The following BNC2 variants were observed in gnomAD, a reference collection of about 807,000 sequenced individuals.
BNC2 encodes zinc finger protein basonuclin-2.
A neutral mutation model predicts 76.3 loss-of-function variants in BNC2; 20 were observed. That is an observed-to-expected ratio of 0.26 (90% confidence interval 0.18 to 0.38). The LOEUF is 0.38. BNC2 is among the 10% of genes least tolerant of loss of function. BNC2 has a pLI of 1.00. For synonymous variants in BNC2, 582 were observed against 514.8 expected (o/e 1.13, Z -1.77); for missense variants, 1,382 against 1,399.8 (o/e 0.99, Z 0.20).
chr9:16,746,147 A>G lies in BNC2; in HGVS notation c.4-7662T>C, dbSNP rs567042961. ...CATTTTTCACGAATTGGTTCTCCTA[A>G]CTATGTTTACACCGGAGCTCAAAGC... is the stretch of plus-strand genomic sequence containing the variant. On this transcript the variant is annotated intron_variant, in intron 1 of 6. Coordinates refer to ENST00000380672, the MANE Select transcript of BNC2 (RefSeq NM_017637.6). Among the ~76,000 whole-genome samples the G allele has an allele frequency of 3.2e-4, 48 of 152,224 alleles. No individual in the cohort carries two copies. The South Asian group carries it at 9.7e-3, about 31-fold the overall frequency.
At chr9:16,490,673 C>T (rs943751) in intron 5 of BNC2, among the ~76,000 whole-genome samples, 11,574 of 152,142 alleles carry the variant, frequency 0.076, 963 homozygotes, top group African/African-American at 0.21. Flanking sequence ...CTTATGTTTC[C>T]TCAATCAGGT....
At chr9:16,643,966 G>A (rs1317086356) in intron 3 of BNC2, among the ~76,000 whole-genome samples, 1 of 152,102 alleles carries the variant, frequency 6.6e-6, no homozygotes, top group East Asian at 1.9e-4. Context: ...TGGGAGGTGT[G>A]GAATGGGGTA....
At chr9:16,493,291 C>A (rs1469444437) in intron 5 of BNC2, among the ~76,000 whole-genome samples, 2 of 152,178 alleles carry the variant, frequency 1.3e-5, no homozygotes, top group Non-Finnish European at 2.9e-5. Context: ...TTACATCTAC[C>A]TTATCTGACC....
chr9:16,582,586 G>A lies in BNC2; in HGVS notation c.433+397C>T, dbSNP rs192616286. 2.0e-5 allele frequency among the ~76,000 whole-genome samples: 3 copies of A among 152,180 alleles called. No individual in the cohort carries two copies. The East Asian group carries it at 5.8e-4, about 29-fold the overall frequency. On this transcript the variant is annotated intron_variant, in intron 4 of 6. Transcript: ENST00000380672. ...AGCCCCGAGCACATACGACAAGGGT[G>A]AGCAGTCATCGAGGAGTTCTCAAGC...
At chr9:16,852,775 T>C (rs1360997761) in intron 1 of BNC2, among the ~76,000 whole-genome samples, 2 of 151,240 alleles carry the variant, frequency 1.3e-5, no homozygotes, top group Non-Finnish European at 2.9e-5. Context: ...TCTAGTGAAA[T>C]GAGGGAGGAA....
At chr9:16,728,130 T>A in intron 2 of BNC2, 133 bp from the exon 3 acceptor site, 1 of 778,576 alleles carries the variant, frequency 1.3e-6, no homozygotes, top group Non-Finnish European at 2.3e-6. Context: ...GGTCAGAGCT[T>A]CTTTCGCACC....
At chr9:16,728,173 G>C (rs777271043) in intron 2 of BNC2, 176 bp from the exon 3 acceptor site, 7 of 702,656 alleles carry the variant, frequency 1.0e-5, no homozygotes, top group Non-Finnish European at 1.8e-5. Context: ...TTTATGCATA[G>C]ATTGTGACTC....
At chr9:16,503,176 G>C (rs1822556660) in intron 5 of BNC2, among the ~76,000 whole-genome samples, 1 of 152,038 alleles carries the variant, frequency 6.6e-6, no homozygotes, top group African/African-American at 2.4e-5. Flanking sequence ...AATATATATG[G>C]TTTACCACCC....
Position 16,796,674 on chromosome 9 carries a change from A to G in BNC2, c.4-58189T>C, listed in dbSNP as rs183254052. ...GAGAAAAAAAAAGAAAGAAAAGAAG[A>G]GAAAAGAAAGAAAGAAAGAAATCCT... On this transcript the variant is annotated intron_variant, in intron 1 of 6. Transcript: ENST00000380672. 2.2e-3 allele frequency among the ~76,000 whole-genome samples: 329 copies of G among 152,186 alleles called. 2 individuals are homozygous for G. Among genetic ancestry groups the G allele is most frequent in the Admixed American group, 3.5e-3 (53 of 15,274 alleles).
chr9:16,811,469 T>G (rs1161379432), intron 1 of BNC2, among the ~76,000 whole-genome samples: 1 of 143,774 alleles, frequency 7.0e-6, no homozygotes, highest in Non-Finnish European at 1.5e-5. Context: ...GGAGAATCAC[T>G]TGAACCAGGG....
rs1820672651 is a variant in BNC2, at chr9:16,419,737, T to C, written c.2640-88A>G. On this transcript the variant is annotated intron_variant, in intron 6 of 6. Coordinates refer to ENST00000380672, the MANE Select transcript of BNC2 (RefSeq NM_017637.6). ...AAAGCATTTTAAAATTGATTCAGCT[T>C]TCACTAGGTATCAAATAAGCACATT... 4 of 849,424 alleles carry C rather than the reference T, an allele frequency of 4.7e-6. No homozygotes were observed. The South Asian group carries it at 5.4e-5, about 12-fold the overall frequency. 52.6% of individuals were successfully genotyped at this position (849,424 alleles called of 1,614,324 possible). A position where few individuals can be genotyped will look rare whatever the true frequency, so the allele number is the denominator to read the frequency against.
intron 5 of BNC2, among the ~76,000 whole-genome samples, chr9:16,440,385 T>C (rs1821102124): frequency 6.6e-6 from 1 of 152,186 alleles, no homozygotes; most frequent in Non-Finnish European, 1.5e-5. Flanking sequence ...TAATGTCCTC[T>C]TCTATACCAT....
chr9:16,593,539 T>A (rs1242704912), intron 3 of BNC2, among the ~76,000 whole-genome samples: 1 of 152,100 alleles, frequency 6.6e-6, no homozygotes, highest in Non-Finnish European at 1.5e-5. Context: ...TGCGTGTGTG[T>A]GTGTGTGTTT....
At chr9:16,776,194 CA>C (rs1199960592) in intron 1 of BNC2, among the ~76,000 whole-genome samples, 1 of 134,694 alleles carries the variant, frequency 7.4e-6, no homozygotes, top group Non-Finnish European at 1.5e-5. Context: ...GGCTGGAGTG[CA>C]ATGGAACCAT....
At chr9:16,827,080 C>G (rs1462868451) in intron 1 of BNC2, among the ~76,000 whole-genome samples, 1 of 152,098 alleles carries the variant, frequency 6.6e-6, no homozygotes, top group Non-Finnish European at 1.5e-5. Context: ...AGATAGCTAC[C>G]ACAGCACTGA....
intron 3 of BNC2, among the ~76,000 whole-genome samples, chr9:16,708,704 GAGA>G (rs1370217287): frequency 2.0e-5 from 3 of 152,114 alleles, no homozygotes; most frequent in African/African-American, 4.8e-5. Flanking sequence ...GAAAAAAGCA[GAGA>G]AGGAGTCAGT....
intron 1 of BNC2, among the ~76,000 whole-genome samples, chr9:16,856,599 G>A (rs1044710949): frequency 6.6e-6 from 1 of 152,110 alleles, no homozygotes; most frequent in Non-Finnish European, 1.5e-5. Flanking sequence ...TTTCTTACAA[G>A]GGACATTTAC....
chr9:16,472,444 C>T (rs1299347779), intron 5 of BNC2, among the ~76,000 whole-genome samples: 1 of 152,116 alleles, frequency 6.6e-6, no homozygotes. Flanking sequence ...GGTAGCTTTA[C>T]CTTCACCTAG....
intron 1 of BNC2, among the ~76,000 whole-genome samples, chr9:16,811,120 G>T (rs958748918): frequency 1.3e-5 from 2 of 150,506 alleles, no homozygotes; most frequent in Non-Finnish European, 3.0e-5. Flanking sequence ...CTGGGACTGA[G>T]GCTGAGGCAG....
Sources: gnomAD v4.1 joint callset for allele counts (sites outside exome capture counted in the v4.1 genomes callset) on GRCh38, gnomAD v4.1.1 for gene constraint, MANE v1.5 for transcripts, NCBI Gene and HGNC (gene_info 2026-07-23, HGNC 2026-07-21) for gene names.